DGKE: variants seen among roughly 807,000 people sequenced by gnomAD.
The protein encoded by DGKE is diacylglycerol kinase epsilon, also known as DAG kinase epsilon.
DGKE carries 53 observed loss-of-function variants against 70.0 expected under a neutral mutation model. That is an observed-to-expected ratio of 0.76 (90% CI 0.61 to 0.95). The LOEUF is 0.95. DGKE is among the 40% of genes least tolerant of loss of function. DGKE has a pLI of 0.00. For synonymous variants in DGKE, 291 were observed against 257.0 expected (o/e 1.13, Z -1.27); for missense variants, 655 against 706.9 (o/e 0.93, Z 0.83).
In DGKE at chr17:56,868,753, C is replaced by G. The variant is rs1908633071; in HGVS notation, c.*5962C>G. The G allele has an allele frequency of 6.6e-6, 1 of 152,204 alleles. No homozygotes were observed. Among genetic ancestry groups the G allele is most frequent in the African/African-American group, 2.4e-5 (1 of 41,456 alleles). The allele number at this position is 152,204 out of a possible 1,614,324, so 9.4% of individuals were successfully genotyped here. On this transcript the variant is annotated 3_prime_UTR_variant, in exon 12 of 12. Coordinates refer to ENST00000284061, the MANE Select transcript of DGKE (RefSeq NM_003647.3). ...TGACTTAGTGTCCCAAAAAGTGGTT[C>G]TTGGTCTACAGCAGGGCAAACATAT... is the stretch of plus-strand genomic sequence containing the variant.
intron 2 of DGKE, among the ~76,000 whole-genome samples, chr17:56,843,571 G>T (rs925299907): frequency 7.9e-5 from 12 of 152,118 alleles, no homozygotes; most frequent in Non-Finnish European, 1.0e-4. Context: ...GCCGAGGTGG[G>T]TGGATCATTT....
At chr17:56,860,360 C>T (rs1362314853) in intron 9 of DGKE, among the ~76,000 whole-genome samples, 1 of 152,106 alleles carries the variant, frequency 6.6e-6, no homozygotes, top group Non-Finnish European at 1.5e-5. Context: ...AGTGAGACTC[C>T]ACTTTTATAA....
intron 7 of DGKE, among the ~76,000 whole-genome samples, chr17:56,854,827 A>G (rs1216588645): frequency 6.6e-6 from 1 of 152,260 alleles, no homozygotes; most frequent in East Asian, 1.9e-4. Flanking sequence ...TAGATGATTC[A>G]AATAAGAAGA....
At chr17:56,836,281 T>A (rs1265630325) in intron 2 of DGKE, 5 of 152,368 alleles carry the variant, frequency 3.3e-5, no homozygotes, top group African/African-American at 1.2e-4. Context: ...TTTTAAGTCT[T>A]ATTTTAAATA....
chr17:56,859,282 G>C (rs188851516), intron 9 of DGKE, among the ~76,000 whole-genome samples: 1 of 151,330 alleles, frequency 6.6e-6, no homozygotes, highest in Admixed American at 6.6e-5. Context: ...CCAAGATCGC[G>C]ACGCTGCATT....
chr17:56,868,098 A>G lies in DGKE; in HGVS notation c.*5307A>G, dbSNP rs988711226. ...TATGTGTTACTTTTTGGTGACTAAC[A>G]TGGAATGTTGAAAAGGAAGAGCTGG... On this transcript the variant is annotated 3_prime_UTR_variant, in exon 12 of 12. Coordinates refer to ENST00000284061, the MANE Select transcript of DGKE (RefSeq NM_003647.3). 5.9e-5 allele frequency: 9 copies of G among 152,254 alleles called. No homozygotes were observed. The highest frequency in any genetic ancestry group is 1.2e-4 in the Non-Finnish European group (8 of 68,044). 9.4% of individuals were successfully genotyped at this position (152,254 alleles called of 1,614,324 possible).
intron 3 of DGKE, among the ~76,000 whole-genome samples, chr17:56,844,492 G>A (rs2144225291): frequency 6.6e-6 from 1 of 152,248 alleles, no homozygotes; most frequent in East Asian, 1.9e-4. Flanking sequence ...TAAAAATACA[G>A]ATTTCTGAGT....
chr17:56,861,952 C>G (rs376689744), intron 10 of DGKE, 34 bp downstream of exon 10: 38 of 1,563,702 alleles, frequency 2.4e-5, no homozygotes, highest in Middle Eastern at 1.7e-4. Context: ...TTTTATGTCA[C>G]TATTTTATTT....
chr17:56,867,353 C>G lies in DGKE; in HGVS notation c.*4562C>G. ...CGGTGGCTCACACCTGTAATCCCAGCACTTGGGGGGCTAAGGGAGGCGTAT... is the reference window on the plus strand; with the variant it reads ...CGGTGGCTCACACCTGTAATCCCAGGACTTGGGGGGCTAAGGGAGGCGTAT... On this transcript the variant is annotated 3_prime_UTR_variant, in exon 12 of 12. Transcript: ENST00000284061. 1 of 152,272 alleles carries G rather than the reference C, an allele frequency of 6.6e-6. No homozygotes were observed. The highest frequency in any genetic ancestry group is 1.9e-4 in the East Asian group (1 of 5,180). The allele number at this position is 152,272 out of a possible 1,614,324, so 9.4% of individuals were successfully genotyped here.
intron 2 of DGKE, among the ~76,000 whole-genome samples, chr17:56,841,345 T>C (rs1387965849): frequency 6.6e-6 from 1 of 151,766 alleles, no homozygotes; most frequent in Admixed American, 6.6e-5. Context: ...AAAACTTAAG[T>C]AGATTAAAAA....
Position 56,844,042 on chromosome 17 carries a change from T to C in DGKE, c.488T>C (p.Val163Ala). 5.1e-6 allele frequency: 8 copies of C among 1,565,452 alleles called. No individual in the cohort carries two copies. The highest frequency in any genetic ancestry group is 6.0e-6 in the Non-Finnish European group (7 of 1,162,844). The change falls in exon 3 of 12, where the codon GTA becomes GCA. Residue 163 changes from valine (V) to alanine (A), a missense_variant. Transcript: ENST00000284061. ...AGGTGCATTTGGTGCCAGAAAACAG[T>C]ACATGATGAGTGCATGAAAAATAGT... ...DYRCIWCQKT[V>A]HDECMKNSLK...
At chr17:56,842,954 C>G (rs1304944907) in intron 2 of DGKE, among the ~76,000 whole-genome samples, 1 of 152,128 alleles carries the variant, frequency 6.6e-6, no homozygotes, top group East Asian at 1.9e-4. Flanking sequence ...ACGTCTATTT[C>G]AAAAGCAAGC....
rs193057611 is a variant in DGKE, at chr17:56,863,801, T to C, written c.*1010T>C. 8.5e-5 allele frequency: 13 copies of C among 152,330 alleles called. No homozygotes were observed. The highest frequency in any genetic ancestry group is 3.4e-3 in the Middle Eastern group (1 of 294). 9.4% of individuals were successfully genotyped at this position (152,330 alleles called of 1,614,324 possible). ...CATATTTATTTTAAAATGAGAGAGATATATTTTTAAATTATTTATTATTTA... is the reference window on the plus strand; with the variant it reads ...CATATTTATTTTAAAATGAGAGAGACATATTTTTAAATTATTTATTATTTA... On this transcript the variant is annotated 3_prime_UTR_variant, in exon 12 of 12. Coordinates refer to ENST00000284061, the MANE Select transcript of DGKE (RefSeq NM_003647.3).
intron 2 of DGKE, among the ~76,000 whole-genome samples, chr17:56,837,402 A>G (rs1321170680): frequency 6.6e-6 from 1 of 152,192 alleles, no homozygotes; most frequent in East Asian, 1.9e-4. Context: ...CATTGAGCAC[A>G]CTGAATCTGT....
intron 1 of DGKE, 86 bp downstream of exon 1, chr17:56,834,346 T>G: frequency 6.3e-6 from 1 of 159,932 alleles, no homozygotes; most frequent in Non-Finnish European, 1.4e-5. Flanking sequence ...TGGGAGCGGG[T>G]GGGGCCCGGG....
At chr17:56,851,159 T>C (rs1907625052) in intron 7 of DGKE, among the ~76,000 whole-genome samples, 1 of 152,012 alleles carries the variant, frequency 6.6e-6, no homozygotes, top group Admixed American at 6.5e-5. Context: ...AGAGCAGTAG[T>C]ATAGAGTCAC....
intron 5 of DGKE, among the ~76,000 whole-genome samples, chr17:56,848,307 G>A (rs183122871): frequency 2.0e-4 from 30 of 151,990 alleles, no homozygotes; most frequent in Non-Finnish European, 2.6e-4. Flanking sequence ...ATAGGTGTGC[G>A]CTACCATGCC....
intron 8 of DGKE, among the ~76,000 whole-genome samples, chr17:56,856,858 G>A (rs1187295451): frequency 6.6e-6 from 1 of 151,950 alleles, no homozygotes; most frequent in Non-Finnish European, 1.5e-5. Context: ...AGCACTTTTG[G>A]GAGGCGGAGG....
rs1223545990 is a variant in DGKE at position 56,863,896 on chromosome 17, A to T, written c.*1105A>T. ...TTATTTAATAAGTTAAATTGATCAC[A>T]TAAATTCTGCTAGTCACAATCAGAT... On this transcript the variant is annotated 3_prime_UTR_variant, in exon 12 of 12. Transcript: ENST00000284061. The T allele has an allele frequency of 2.0e-5, 3 of 152,244 alleles. No individual in the cohort carries two copies. Among genetic ancestry groups the T allele is most frequent in the Non-Finnish European group, 2.9e-5 (2 of 68,054 alleles). The allele number at this position is 152,244 out of a possible 1,614,324, so 9.4% of individuals were successfully genotyped here.
Sources: gnomAD v4.1 joint callset for allele counts (sites outside exome capture counted in the v4.1 genomes callset) on GRCh38, gnomAD v4.1.1 for gene constraint, MANE v1.5 for transcripts, NCBI Gene and HGNC (gene_info 2026-07-23, HGNC 2026-07-21) for gene names.